The following HCCS variants were observed in gnomAD, a reference collection of about 807,000 sequenced individuals.
The protein encoded by HCCS is holocytochrome c-type synthase.
HCCS carries 2 observed loss-of-function variants against 24.2 expected under a neutral mutation model. That is an observed-to-expected ratio of 0.08 (90% CI 0.03 to 0.26). The LOEUF is 0.26. HCCS is among the 10% of genes least tolerant of loss of function. The pLI, the probability that HCCS is intolerant of heterozygous loss-of-function variation, is 1.00. For synonymous variants in HCCS, 73 were observed against 76.2 expected, an observed-to-expected ratio of 0.96 and a Z score of 0.22; for missense variants, 150 against 213.3, an observed-to-expected ratio of 0.70 and a Z score of 1.85.
chrX:11,114,522 T>C (rs2045434396), intron 2 of HCCS, among the ~76,000 whole-genome samples: 1 of 112,535 alleles, frequency 8.9e-6, no homozygotes, highest in African/African-American at 3.2e-5. Context: ...GCCAGGTTAC[T>C]CAAACCATGG....
chrX:11,116,841 A>C (rs2045451746), intron 3 of HCCS, among the ~76,000 whole-genome samples: 1 of 112,682 alleles, frequency 8.9e-6, no homozygotes, highest in African/African-American at 3.2e-5. Flanking sequence ...AAACCTAAAA[A>C]ATCTGAGAAT....
intron 2 of HCCS, among the ~76,000 whole-genome samples, chrX:11,114,539 T>TAAC (rs1200638619): frequency 8.9e-6 from 1 of 112,644 alleles, no homozygotes; most frequent in African/African-American, 3.2e-5. Context: ...ATGGCACAGA[T>TAAC]AACACATGCT....
At chrX:11,121,530 C>T in intron 6 of HCCS, 82 bp from the exon 7 acceptor site, 1 of 819,466 alleles carries the variant, frequency 1.2e-6, no homozygotes, top group Non-Finnish European at 1.9e-6. Context: ...TTTGCATGTG[C>T]TTCTTGAGTT....
intron 4 of HCCS, among the ~76,000 whole-genome samples, chrX:11,118,081 A>C (rs2045462221): frequency 8.9e-6 from 1 of 112,502 alleles, no homozygotes; most frequent in African/African-American, 3.2e-5. Context: ...TCAGGTTGAC[A>C]CATAAAATTA....
intron 3 of HCCS, among the ~76,000 whole-genome samples, chrX:11,115,260 G>A (rs1457771749): frequency 8.9e-6 from 1 of 112,127 alleles, no homozygotes; most frequent in Non-Finnish European, 1.9e-5. Context: ...ACAGTTACTA[G>A]GTGGTAGATG....
rs145499860 is a variant in HCCS at position 11,121,766 on chromosome X, G to A, written c.763G>A (p.Val255Ile). Residue 255 changes from valine to isoleucine, a missense_variant, in exon 7 of 7, where the codon GTA becomes ATA. Transcript: ENST00000380762. ...TCCTGCCTTAGATTCACTTTCGGCAGTATGGGACAGAATGAAAGTCGCTTG... is the reference window on the plus strand; with the variant it reads ...TCCTGCCTTAGATTCACTTTCGGCAATATGGGACAGAATGAAAGTCGCTTG... ...VRPALDSLSA[V>I]WDRMKVAWWR... The A allele has an allele frequency of 2.5e-5, 30 of 1,210,076 alleles. No individual in the cohort carries two copies. The highest frequency in any genetic ancestry group is 3.1e-5 in the Non-Finnish European group (28 of 894,953).
At chrX:11,117,155 A>G in intron 3 of HCCS, 112 bp from the exon 4 acceptor site, 2 of 667,148 alleles carry the variant, frequency 3.0e-6, no homozygotes, top group Non-Finnish European at 2.5e-6. Flanking sequence ...GATGTCACTG[A>G]TTTAATAAGT....
rs2045437506 is a variant in HCCS, at chrX:11,114,929, G to A, written c.195G>A (p.Glu65=). ...AGGAACGCGCCTATGAGTACGTGGA[G>A]TGTCCCATTAGGGGCACTGCGGCTG... The part of the protein sequence containing the change: ...AHQERAYEYV[E]CPIRGTAAEN... Residue 65 remains glutamate, a synonymous_variant, in exon 3 of 7, where the codon GAG becomes GAA. Transcript: ENST00000380762. 5 of 1,206,368 alleles carry A rather than the reference G, an allele frequency of 4.1e-6. No individual in the cohort carries two copies. The highest frequency in any genetic ancestry group is 2.3e-4 in the Middle Eastern group (1 of 4,313).
Position 11,111,355 on chromosome X carries a change from A to AGGC in HCCS, c.-183_-181dup, listed in dbSNP as rs3086668. On this transcript the variant is annotated 5_prime_UTR_variant, in exon 1 of 7. Transcript: ENST00000380762. ...CCACAGCGGTGACCGAGTGAGAGGA[A>AGGC]GGCGGCGGCGGCGGCGGCGGCGGCG... The AGGC allele has an allele frequency of 0.41, 65,530 of 160,737 alleles. 10,407 individuals carry two copies. The highest frequency in any genetic ancestry group is 0.6 in the African/African-American group (18,220 of 30,236). 13.2% of individuals were successfully genotyped at this position (160,737 alleles called of 1,213,427 possible). A position where few individuals can be genotyped will look rare whatever the true frequency, so the allele number is the denominator to read the frequency against.
chrX:11,112,249 C>G (rs2045414559), intron 2 of HCCS, 89 bp downstream of exon 2: 1 of 687,634 alleles, frequency 1.5e-6, no homozygotes, highest in Non-Finnish European at 2.3e-6. Flanking sequence ...CTTTGGGAGG[C>G]CGAGGTGGGT....
intron 5 of HCCS, 106 bp downstream of exon 5, chrX:11,118,726 T>A: frequency 1.2e-6 from 1 of 866,368 alleles, no homozygotes. Context: ...ACATTTTATG[T>A]AGCAGGCATG....
At chrX:11,113,176 G>A (rs939813803) in intron 2 of HCCS, among the ~76,000 whole-genome samples, 2 of 111,993 alleles carry the variant, frequency 1.8e-5, no homozygotes, top group African/African-American at 6.5e-5. Context: ...AGTCGTGAAG[G>A]GCAGAAGCAA....
chrX:11,121,080 G>A, intron 6 of HCCS, 87 bp downstream of exon 6: 1 of 735,847 alleles, frequency 1.4e-6, no homozygotes, highest in Non-Finnish European at 2.2e-6. Context: ...AAGAATTGCA[G>A]TGCCATCTTG....
Position 11,114,828 on chromosome X carries a change from A to T in HCCS, c.101-7A>T, listed in dbSNP as rs761521362. ...GGTGACACCATTTTTATACTTGATT[A>T]TTTCAGGCTGTCCAGTGAATACAGA... On this transcript the variant is annotated splice_region_variant and splice_polypyrimidine_tract_variant and intron_variant, in intron 2 of 6. Coordinates refer to ENST00000380762, the MANE Select transcript of HCCS (RefSeq NM_005333.5). The T allele has an allele frequency of 1.7e-6, 2 of 1,204,965 alleles. No individual in the cohort carries two copies. Among genetic ancestry groups the T allele is most frequent in the Middle Eastern group, 2.3e-4 (1 of 4,269 alleles).
chrX:11,118,411 G>A, intron 4 of HCCS, 90 bp from the exon 5 acceptor site: 2 of 850,215 alleles, frequency 2.4e-6, no homozygotes, highest in Non-Finnish European at 3.5e-6. Context: ...AAAGGGGAAT[G>A]TTGAATAAAT....
At chrX:11,117,502 A>G (rs2045457613) in intron 4 of HCCS, 87 bp downstream of exon 4, 2 of 798,509 alleles carry the variant, frequency 2.5e-6, no homozygotes, top group African/African-American at 2.1e-5. Context: ...CTTCAAAACA[A>G]TATAGTACAT....
intron 3 of HCCS, among the ~76,000 whole-genome samples, chrX:11,115,764 A>G (rs1425329718): frequency 8.9e-6 from 1 of 112,310 alleles, no homozygotes; most frequent in Admixed American, 9.4e-5. Flanking sequence ...TAGGCCTTCA[A>G]ATATTTACAC....
Position 11,121,890 on chromosome X carries a change from C to T in HCCS, c.*80C>T. The T allele has an allele frequency of 1.2e-6, 1 of 815,582 alleles. No individual in the cohort carries two copies. The highest frequency in any genetic ancestry group is 1.8e-6 in the Non-Finnish European group (1 of 552,464). The allele number at this position is 815,582 out of a possible 1,213,427, so 67.2% of individuals were successfully genotyped here. ...ACTATTTTCCCCAGATTGAATTGCA[C>T]TCATGATGTAATGGGAACTTCAAGT... is the stretch of plus-strand genomic sequence containing the variant. On this transcript the variant is annotated 3_prime_UTR_variant, in exon 7 of 7. Coordinates refer to ENST00000380762, the MANE Select transcript of HCCS (RefSeq NM_005333.5).
At chrX:11,121,351 G>C (rs1409163096) in intron 6 of HCCS, among the ~76,000 whole-genome samples, 2 of 112,383 alleles carry the variant, frequency 1.8e-5, no homozygotes, top group Admixed American at 9.4e-5. Flanking sequence ...TATCTCAGCT[G>C]ACCTCCCTGG....
Sources: gnomAD v4.1 joint callset for allele counts (sites outside exome capture counted in the v4.1 genomes callset) on GRCh38, gnomAD v4.1.1 for gene constraint, MANE v1.5 for transcripts, NCBI Gene and HGNC (gene_info 2026-07-23, HGNC 2026-07-21) for gene names.